GREB1L: variants seen among roughly 807,000 people sequenced by gnomAD.
The protein encoded by GREB1L is GREB1-like protein.
Under a neutral mutation model 200.8 loss-of-function variants are expected in GREB1L, and 17 were observed. That is an observed-to-expected ratio of 0.08 (90% CI 0.06 to 0.13). The LOEUF is 0.13. Ranked by LOEUF, GREB1L falls within the 10% of genes least tolerant of loss-of-function variation. The probability of loss-of-function intolerance (pLI) is 1.00; values close to 1 mark genes in which losing one functional copy is unlikely to be tolerated. For synonymous variants in GREB1L, 789 were observed against 893.0 expected, an observed-to-expected ratio of 0.88 and a Z score of 2.08; for missense variants, 1,657 against 2,367.7, an observed-to-expected ratio of 0.70 and a Z score of 6.23.
intron 1 of GREB1L, among the ~76,000 whole-genome samples, chr18:21,333,630 A>ATGCCATTG (rs1019975261): frequency 6.6e-6 from 1 of 151,286 alleles, no homozygotes; most frequent in African/African-American, 2.4e-5. Context: ...AGCCGAAATC[A>ATGCCATTG]TGCCATTGTA....
intron 20 of GREB1L, 62 bp downstream of exon 20, chr18:21,495,847 C>A: frequency 1.1e-6 from 1 of 895,810 alleles, no homozygotes; most frequent in Non-Finnish European, 1.7e-6. Context: ...ATGATTAAAA[C>A]TTGGCTGATG....
chr18:21,381,817 G>T (rs751441922), intron 2 of GREB1L, among the ~76,000 whole-genome samples: 1 of 152,152 alleles, frequency 6.6e-6, no homozygotes, highest in African/African-American at 2.4e-5. Flanking sequence ...AAGAGACCAA[G>T]GTTTCTAAAA....
chr18:21,475,145 G>C (rs1205369315), intron 16 of GREB1L, among the ~76,000 whole-genome samples: 2 of 152,188 alleles, frequency 1.3e-5, no homozygotes, highest in African/African-American at 4.8e-5. Context: ...AGGAGGTTAA[G>C]ATGAATGAGC....
chr18:21,313,731 C>T (rs1401714398), intron 1 of GREB1L, among the ~76,000 whole-genome samples: 1 of 152,202 alleles, frequency 6.6e-6, no homozygotes, highest in Non-Finnish European at 1.5e-5. Context: ...ATACTTTCTC[C>T]TCCCATTTGT....
chr18:21,383,786 C>T, intron 3 of GREB1L, 111 bp downstream of exon 3: 1 of 1,044,052 alleles, frequency 9.6e-7, no homozygotes, highest in Non-Finnish European at 1.4e-6. Context: ...GATCTCGGCT[C>T]ACTGCAACGT....
chr18:21,328,180 C>G (rs990377841), intron 1 of GREB1L, among the ~76,000 whole-genome samples: 4 of 152,000 alleles, frequency 2.6e-5, no homozygotes, highest in East Asian at 1.9e-4. Flanking sequence ...TGCCATTGCC[C>G]CCCCCCGTTC....
At chr18:21,364,070 T>C (rs574091974) in intron 1 of GREB1L, among the ~76,000 whole-genome samples, 7 of 152,274 alleles carry the variant, frequency 4.6e-5, no homozygotes, top group African/African-American at 1.7e-4. Flanking sequence ...CTTTCCTTCC[T>C]CTTTTTTTCT....
In GREB1L at chr18:21,452,069, C is replaced by CT; in HGVS notation, c.1850-13dup. The CT allele has an allele frequency of 6.4e-7, 1 of 1,551,112 alleles. No homozygotes were observed. The highest frequency in any genetic ancestry group is 8.7e-7 in the Non-Finnish European group (1 of 1,146,622). ...ATCCTTCCTTGTAACCTTCTTATCT[C>CT]TATTTTGTAATAGGCGATGACCTAG... is the stretch of plus-strand genomic sequence containing the variant. On this transcript the variant is annotated splice_polypyrimidine_tract_variant and intron_variant, in intron 13 of 32. Transcript: ENST00000424526.
intron 1 of GREB1L, among the ~76,000 whole-genome samples, chr18:21,242,920 C>A (rs569108589): frequency 6.6e-6 from 1 of 152,110 alleles, no homozygotes; most frequent in African/African-American, 2.4e-5. Context: ...GGATGGAGTT[C>A]AGCCTGGGAA....
intron 2 of GREB1L, among the ~76,000 whole-genome samples, chr18:21,368,277 T>G (rs1248680399): frequency 1.1e-4 from 16 of 152,170 alleles, no homozygotes; most frequent in Admixed American, 3.9e-4. Context: ...ACAACTAATT[T>G]AGAAACCTAA....
chr18:21,307,191 C>A (rs1267659526), intron 1 of GREB1L, among the ~76,000 whole-genome samples: 1 of 152,194 alleles, frequency 6.6e-6, no homozygotes, highest in South Asian at 2.1e-4. Context: ...TTCCCCTGTT[C>A]CAATGGCAAG....
intron 1 of GREB1L, among the ~76,000 whole-genome samples, chr18:21,245,939 T>G (rs1214118505): frequency 6.6e-6 from 1 of 152,128 alleles, no homozygotes; most frequent in East Asian, 1.9e-4. Context: ...ATGGTCTCGA[T>G]CTCATCGATC....
intron 15 of GREB1L, among the ~76,000 whole-genome samples, chr18:21,464,051 G>A (rs774408154): frequency 7.2e-5 from 11 of 152,072 alleles, no homozygotes; most frequent in Non-Finnish European, 1.6e-4. Context: ...AAACCCATGA[G>A]TCCAGAACAA....
Position 21,522,865 on chromosome 18 carries a change from T to C in GREB1L, c.*44T>C, listed in dbSNP as rs9962678. 669 of 1,491,298 alleles carry C rather than the reference T, an allele frequency of 4.5e-4. 4 individuals are homozygous for C. The African/African-American group carries it at 8.7e-3, about 19-fold the overall frequency. 92.4% of individuals were successfully genotyped at this position (1,491,298 alleles called of 1,614,324 possible). A position where few individuals can be genotyped will look rare whatever the true frequency, so the allele number is the denominator to read the frequency against. On this transcript the variant is annotated 3_prime_UTR_variant, in exon 33 of 33. Transcript: ENST00000424526. ...ACAGCAAAAAGATGCCTAGGTGGGATGGGACAGAAACAATTTGGGATTTTT... is the reference window on the plus strand; with the variant it reads ...ACAGCAAAAAGATGCCTAGGTGGGACGGGACAGAAACAATTTGGGATTTTT...
chr18:21,352,527 G>A (rs1290127294), intron 1 of GREB1L, among the ~76,000 whole-genome samples: 2 of 150,790 alleles, frequency 1.3e-5, no homozygotes, highest in Non-Finnish European at 3.0e-5. Context: ...TCCGCTTCCC[G>A]GGTTCAAGCA....
intron 19 of GREB1L, among the ~76,000 whole-genome samples, chr18:21,494,617 T>TAA: frequency 7.0e-6 from 1 of 143,588 alleles, no homozygotes; most frequent in South Asian, 2.2e-4. Context: ...AGACTCTGTC[T>TAA]AAAAAAAAAA....
chr18:21,485,820 G>C, intron 18 of GREB1L, 67 bp downstream of exon 18: 1 of 1,487,600 alleles, frequency 6.7e-7, no homozygotes, highest in Admixed American at 2.0e-5. Flanking sequence ...ATAGCCAAAA[G>C]CCTTTTGTGT....
intron 7 of GREB1L, among the ~76,000 whole-genome samples, chr18:21,410,745 G>A (rs74620912): frequency 6.9e-6 from 1 of 143,898 alleles, no homozygotes; most frequent in Non-Finnish European, 1.5e-5. Flanking sequence ...AAAAAAAAAA[G>A]CCATAAATTG....
chr18:21,493,976 A>G (rs1687167859), intron 19 of GREB1L, among the ~76,000 whole-genome samples: 1 of 151,422 alleles, frequency 6.6e-6, no homozygotes, highest in Non-Finnish European at 1.5e-5. Context: ...ACCTCTATAG[A>G]GACAGTTCTG....
Sources: allele counts gnomAD v4.1 joint callset (sites outside exome capture counted in the v4.1 genomes callset), GRCh38; gene constraint gnomAD v4.1.1; transcripts MANE v1.5; gene names NCBI Gene and HGNC (gene_info 2026-07-23, HGNC 2026-07-21).